Variants in ANKRD36 observed in about 807,000 individuals in gnomAD.
The protein encoded by ANKRD36 is ankyrin repeat domain 36.
Under a neutral mutation model 278.1 loss-of-function variants are expected in ANKRD36, and 179 were observed. That is an observed-to-expected ratio of 0.64 (90% CI 0.57 to 0.73). The LOEUF (loss-of-function observed/expected upper bound fraction) is 0.73. ANKRD36 is among the 30% of genes least tolerant of loss of function. The pLI is 0.00. For missense variants in ANKRD36, 1,159 were observed against 1,956.7 expected (o/e 0.59, Z 7.69); for synonymous variants, 320 against 641.1 (o/e 0.50, Z 7.57).
intron 15 of ANKRD36, among the ~76,000 whole-genome samples, chr2:97,155,665 G>A (rs1389977067): frequency 2.7e-5 from 4 of 145,470 alleles, no homozygotes; most frequent in African/African-American, 4.9e-5. Context: ...TTTCTGCGTT[G>A]TAATTAAAAA....
chr2:97,140,864 G>A (rs953288622), intron 6 of ANKRD36, among the ~76,000 whole-genome samples: 2 of 151,880 alleles, frequency 1.3e-5, no homozygotes, highest in Non-Finnish European at 2.9e-5. Context: ...GGCAAACAAA[G>A]AAAGCAGCTA....
intron 6 of ANKRD36, among the ~76,000 whole-genome samples, chr2:97,130,983 T>C (rs1034587930): frequency 6.6e-6 from 1 of 152,204 alleles, no homozygotes; most frequent in East Asian, 1.9e-4. Context: ...TTTAAGTTTC[T>C]TTTAAATTTT....
Position 97,164,398 on chromosome 2 carries a change from A to T in ANKRD36, c.1460A>T (p.His487Leu). ...CATTATGTTGTCAAACCCATTCAGCATACGGTGAAAGACAGAGATCACATT... is the reference window on the plus strand; with the variant it reads ...CATTATGTTGTCAAACCCATTCAGCTTACGGTGAAAGACAGAGATCACATT... ...VSPEQPPLFT[H>L]TVKDRDHIST... The change falls in exon 20 of 76, where the codon CAT becomes CTT. Residue 487 changes from histidine (H) to leucine (L), a missense_variant and splice_region_variant. His to Leu is a moderately conservative substitution (Grantham distance 99). Coordinates refer to ENST00000420699, the MANE Select transcript of ANKRD36 (RefSeq NM_001354587.1). The T allele has an allele frequency of 1.3e-6, 2 of 1,537,664 alleles. No homozygotes were observed. Among genetic ancestry groups the T allele is most frequent in the South Asian group, 1.2e-5 (1 of 84,062 alleles).
At chr2:97,172,359 C>A (rs1275427552) in intron 22 of ANKRD36, among the ~76,000 whole-genome samples, 3 of 151,818 alleles carry the variant, frequency 2.0e-5, no homozygotes, top group Non-Finnish European at 4.4e-5. Context: ...CATGATATGC[C>A]ATGTGATGAC....
rs757459885 is a variant in ANKRD36 at position 97,185,360 on chromosome 2, T to G, written c.1968+16T>G. ...AGCCTCAAAGGTAATTAAACTCTCA[T>G]TTATATTTTGTATTAGTAACTGTAT... On this transcript the variant is annotated intron_variant, in intron 29 of 75. Transcript: ENST00000420699. 1.2e-6 allele frequency: 2 copies of G among 1,609,856 alleles called. No individual in the cohort carries two copies. Among genetic ancestry groups the G allele is most frequent in the Non-Finnish European group, 1.7e-6 (2 of 1,177,480 alleles).
At chr2:97,171,678 G>GT (rs2052574037) in intron 22 of ANKRD36, among the ~76,000 whole-genome samples, 1 of 143,868 alleles carries the variant, frequency 7.0e-6, no homozygotes, top group South Asian at 2.3e-4. Flanking sequence ...ATGTGCACAT[G>GT]TACCCTAAAA....
chr2:97,138,553 T>C (rs1229642504), intron 6 of ANKRD36, among the ~76,000 whole-genome samples: 3 of 152,002 alleles, frequency 2.0e-5, no homozygotes, highest in Non-Finnish European at 2.9e-5. Context: ...CAAACTATCA[T>C]TGACTTTCTT....
rs1400632665 is a variant in ANKRD36 at position 97,205,977 on chromosome 2, A to G, written c.3090+9A>G. On this transcript the variant is annotated intron_variant, in intron 51 of 75. Coordinates refer to ENST00000420699, the MANE Select transcript of ANKRD36 (RefSeq NM_001354587.1). ...AACCACCAACCTTGAAGGTAATGAA[A>G]CTCCCATTTATATTGTGAACGAGTT... 1 of 1,553,608 alleles carries G rather than the reference A, an allele frequency of 6.4e-7. No individual in the cohort carries two copies. Among genetic ancestry groups the G allele is most frequent in the Non-Finnish European group, 8.7e-7 (1 of 1,153,420 alleles).
intron 42 of ANKRD36, among the ~76,000 whole-genome samples, chr2:97,197,791 A>G (rs1287283906): frequency 3.3e-5 from 5 of 151,904 alleles, no homozygotes. Context: ...AGGCTAAGAT[A>G]CTATCCTTTG....
At chr2:97,137,454 A>G (rs1230135254) in intron 6 of ANKRD36, among the ~76,000 whole-genome samples, 1 of 151,636 alleles carries the variant, frequency 6.6e-6, no homozygotes, top group Non-Finnish European at 1.5e-5. Flanking sequence ...CCCAGCCTGC[A>G]TGATTTTTTT....
chr2:97,145,919 A>G (rs1332608486), intron 10 of ANKRD36, among the ~76,000 whole-genome samples: 1 of 152,082 alleles, frequency 6.6e-6, no homozygotes, highest in African/African-American at 2.4e-5. Context: ...GTTCATCTAA[A>G]GTGTAATTGT....
intron 6 of ANKRD36, among the ~76,000 whole-genome samples, chr2:97,131,224 C>A (rs1673751339): frequency 6.6e-6 from 1 of 150,804 alleles, no homozygotes; most frequent in Admixed American, 6.6e-5. Context: ...GAGTCTTTTG[C>A]TGTTTCCCAG....
At chr2:97,216,433 G>T (rs371560948) in intron 62 of ANKRD36, among the ~76,000 whole-genome samples, 1 of 152,030 alleles carries the variant, frequency 6.6e-6, no homozygotes, top group Non-Finnish European at 1.5e-5. Flanking sequence ...AATATCTAAC[G>T]CTTGTAGCAG....
intron 64 of ANKRD36, 94 bp downstream of exon 64, chr2:97,217,466 G>A: frequency 6.6e-7 from 1 of 1,523,508 alleles, no homozygotes; most frequent in Non-Finnish European, 8.8e-7. Flanking sequence ...CATTGAAAAT[G>A]CACTTTCTGA....
chr2:97,232,236 T>C (rs1345349573), intron 67 of ANKRD36, among the ~76,000 whole-genome samples: 1 of 150,902 alleles, frequency 6.6e-6, no homozygotes, highest in African/African-American at 2.4e-5. Flanking sequence ...AGAAAAGACA[T>C]CTAAGAAAGA....
intron 6 of ANKRD36, among the ~76,000 whole-genome samples, chr2:97,134,170 T>C (rs1280039258): frequency 6.6e-6 from 1 of 152,130 alleles, no homozygotes; most frequent in Non-Finnish European, 1.5e-5. Flanking sequence ...GGATATCTTT[T>C]TCAATATTAC....
At chr2:97,202,420 A>T in intron 48 of ANKRD36, 27 bp downstream of exon 48, 1 of 1,544,210 alleles carries the variant, frequency 6.5e-7, no homozygotes, top group Non-Finnish European at 8.7e-7. Flanking sequence ...ATTTAATGTC[A>T]TGTTCAGTCC....
intron 67 of ANKRD36, among the ~76,000 whole-genome samples, chr2:97,231,647 A>G (rs536009499): frequency 3.3e-5 from 5 of 152,086 alleles, no homozygotes; most frequent in African/African-American, 1.2e-4. Context: ...CCCACTGTCC[A>G]GCACCCACTG....
intron 67 of ANKRD36, among the ~76,000 whole-genome samples, chr2:97,231,185 A>G (rs1304307107): frequency 2.6e-5 from 4 of 152,096 alleles, no homozygotes; most frequent in Admixed American, 1.3e-4. Flanking sequence ...TCATACAGGG[A>G]CATTTAAGTC....
Sources: allele counts gnomAD v4.1 joint callset (sites outside exome capture counted in the v4.1 genomes callset), GRCh38; gene constraint gnomAD v4.1.1; transcripts MANE v1.5; gene names NCBI Gene and HGNC (gene_info 2026-07-23, HGNC 2026-07-21).